FCHO2: variants seen among roughly 807,000 people sequenced by gnomAD.
FCHO2 encodes F-BAR domain only protein 2.
FCHO2 carries 43 observed loss-of-function variants against 114.1 expected under a neutral mutation model. That is an observed-to-expected ratio of 0.38 (90% confidence interval 0.30 to 0.49). The LOEUF is 0.49. Among genes scored for constraint, FCHO2 ranks in the 20% least tolerant of loss-of-function variants. The pLI, the probability that FCHO2 is intolerant of heterozygous loss-of-function variation, is 0.97. For missense variants in FCHO2, 807 were observed against 950.4 expected (o/e 0.85, Z 1.98); for synonymous variants, 293 against 315.2 (o/e 0.93, Z 0.75).
intron 3 of FCHO2, 107 bp downstream of exon 3, chr5:72,989,608 C>A: frequency 2.8e-6 from 2 of 707,940 alleles, no homozygotes; most frequent in Non-Finnish European, 4.6e-6. Flanking sequence ...AAAATATATG[C>A]TTATTTAAAA....
At chr5:72,984,082 A>G (rs546082882) in intron 2 of FCHO2, among the ~76,000 whole-genome samples, 7 of 152,250 alleles carry the variant, frequency 4.6e-5, no homozygotes, top group Admixed American at 1.3e-4. Flanking sequence ...GCTTGCTAAT[A>G]GTAGTATCTA....
intron 11 of FCHO2, among the ~76,000 whole-genome samples, chr5:73,050,826 A>G (rs1757307505): frequency 6.6e-6 from 1 of 152,134 alleles, no homozygotes; most frequent in African/African-American, 2.4e-5. Context: ...CTCATGACAC[A>G]CATGGTGTCT....
At chr5:73,048,033 CTA>C (rs1341616323) in intron 11 of FCHO2, among the ~76,000 whole-genome samples, 2 of 152,082 alleles carry the variant, frequency 1.3e-5, no homozygotes, top group Non-Finnish European at 2.9e-5. Flanking sequence ...TGAGATATGA[CTA>C]TATTGCCAGC....
intron 2 of FCHO2, among the ~76,000 whole-genome samples, chr5:72,973,802 C>T (rs1433748081): frequency 6.6e-6 from 1 of 151,112 alleles, no homozygotes; most frequent in Non-Finnish European, 1.5e-5. Context: ...GTTAGGGTGT[C>T]AATTTTGGAT....
chr5:72,964,104 T>C (rs1211117570), intron 1 of FCHO2, among the ~76,000 whole-genome samples: 1 of 151,974 alleles, frequency 6.6e-6, no homozygotes, highest in Non-Finnish European at 1.5e-5. Flanking sequence ...TATAGAACAT[T>C]ACAGAAAACG....
intron 19 of FCHO2, among the ~76,000 whole-genome samples, chr5:73,073,069 A>G (rs572323720): frequency 6.6e-6 from 1 of 152,182 alleles, no homozygotes; most frequent in African/African-American, 2.4e-5. Flanking sequence ...GTGTACAAAC[A>G]TATATTTTTA....
At chr5:72,992,642 CT>C (rs1753868277) in intron 5 of FCHO2, among the ~76,000 whole-genome samples, 1 of 152,084 alleles carries the variant, frequency 6.6e-6, no homozygotes, top group African/African-American at 2.4e-5. Context: ...GAACTAAAGC[CT>C]TATTGAAAGT....
At chr5:73,032,959 T>G (rs953807662) in intron 8 of FCHO2, among the ~76,000 whole-genome samples, 2 of 152,188 alleles carry the variant, frequency 1.3e-5, no homozygotes, top group Non-Finnish European at 2.9e-5. Context: ...ATTCATAATT[T>G]TTATACTAAG....
At chr5:73,041,656 G>C (rs964918581) in intron 11 of FCHO2, among the ~76,000 whole-genome samples, 1 of 151,878 alleles carries the variant, frequency 6.6e-6, no homozygotes, top group Admixed American at 6.6e-5. Flanking sequence ...TTTATTCTTA[G>C]CTCTATTAAA....
intron 18 of FCHO2, among the ~76,000 whole-genome samples, chr5:73,065,379 C>T (rs1293888112): frequency 1.3e-5 from 2 of 151,778 alleles, no homozygotes; most frequent in African/African-American, 4.8e-5. Context: ...TATAAATTTC[C>T]TCTGTATTTC....
intron 5 of FCHO2, among the ~76,000 whole-genome samples, chr5:73,002,063 A>T (rs1017306726): frequency 6.6e-6 from 1 of 152,210 alleles, no homozygotes; most frequent in Non-Finnish European, 1.5e-5. Context: ...ATTTTGATTT[A>T]GATCCAGCCG....
chr5:72,985,197 G>A (rs1753443070), intron 2 of FCHO2, among the ~76,000 whole-genome samples: 1 of 150,586 alleles, frequency 6.6e-6, no homozygotes, highest in Non-Finnish European at 1.5e-5. Context: ...GTCTCACTCT[G>A]TCACCCAGGC....
chr5:72,971,939 A>C (rs1752581633), intron 2 of FCHO2, among the ~76,000 whole-genome samples: 1 of 151,498 alleles, frequency 6.6e-6, no homozygotes, highest in Non-Finnish European at 1.5e-5. Context: ...TTTTCCCAGC[A>C]CCATTTATTA....
chr5:73,018,663 A>G (rs1198537526), intron 8 of FCHO2, among the ~76,000 whole-genome samples: 1 of 152,140 alleles, frequency 6.6e-6, no homozygotes, highest in Admixed American at 6.5e-5. Context: ...TAGATATGCA[A>G]ATCAAGGAGC....
intron 5 of FCHO2, among the ~76,000 whole-genome samples, chr5:72,995,981 A>G (rs1017812826): frequency 6.6e-6 from 1 of 152,080 alleles, no homozygotes; most frequent in African/African-American, 2.4e-5. Flanking sequence ...GGTGGCTCAC[A>G]CTTGTAATCC....
chr5:72,980,845 G>A (rs1201171028), intron 2 of FCHO2, among the ~76,000 whole-genome samples: 2 of 152,100 alleles, frequency 1.3e-5, no homozygotes, highest in African/African-American at 4.8e-5. Context: ...GTCTTTGCAT[G>A]TGAGATGGGT....
At chr5:73,015,922 T>G (rs1755284144) in intron 7 of FCHO2, among the ~76,000 whole-genome samples, 198 bp downstream of exon 7, 3 of 152,202 alleles carry the variant, frequency 2.0e-5, no homozygotes, top group Admixed American at 2.0e-4. Context: ...CCACCGAGGA[T>G]GATAATTCAA....
At chr5:73,031,799 G>A (rs1756252731) in intron 8 of FCHO2, among the ~76,000 whole-genome samples, 1 of 152,174 alleles carries the variant, frequency 6.6e-6, no homozygotes, top group Non-Finnish European at 1.5e-5. Context: ...AGGAGACAGA[G>A]CCAAAATGGT....
intron 18 of FCHO2, among the ~76,000 whole-genome samples, chr5:73,068,127 G>A (rs951304159): frequency 6.6e-5 from 10 of 151,958 alleles, no homozygotes; most frequent in African/African-American, 2.4e-4. Flanking sequence ...TAAGGCAAAG[G>A]CTTAGTGAAA....
Sources: gnomAD v4.1 joint callset for allele counts (sites outside exome capture counted in the v4.1 genomes callset) on GRCh38, gnomAD v4.1.1 for gene constraint, MANE v1.5 for transcripts, NCBI Gene and HGNC (gene_info 2026-07-23, HGNC 2026-07-21) for gene names.